The following PPP1R1C variants were observed in gnomAD, a reference collection of about 807,000 sequenced individuals.
The protein encoded by PPP1R1C is protein phosphatase 1 regulatory inhibitor subunit 1C.
A neutral mutation model predicts 17.4 loss-of-function variants in PPP1R1C; 15 were observed. The ratio of observed to expected loss-of-function variants is 0.86; its 90% confidence interval spans 0.58 to 1.33. PPP1R1C has a LOEUF of 1.33. PPP1R1C is among the 40% of genes most tolerant of loss of function. PPP1R1C has a pLI of 0.00. For synonymous variants in PPP1R1C, 35 were observed against 43.1 expected (o/e 0.81, Z 0.73); for missense variants, 143 against 130.0 (o/e 1.10, Z -0.48).
intron 2 of PPP1R1C, among the ~76,000 whole-genome samples, chr2:182,031,201 C>T (rs777856455): frequency 1.3e-5 from 2 of 152,210 alleles, no homozygotes; most frequent in African/African-American, 4.8e-5. Context: ...GAGCTGTAGA[C>T]CGGAGCTGTT....
upstream of PPP1R1C, among the ~76,000 whole-genome samples, chr2:181,981,100 T>C (rs557120265): frequency 6.6e-6 from 1 of 151,722 alleles, no homozygotes; most frequent in Non-Finnish European, 1.5e-5. Flanking sequence ...GGCTAATTTT[T>C]TGTATTTTTA....
chr2:182,122,065 A>T (rs1689745839), downstream of PPP1R1C, among the ~76,000 whole-genome samples: 2 of 152,138 alleles, frequency 1.3e-5, no homozygotes, highest in Admixed American at 1.3e-4. Context: ...CTGTCAGGTG[A>T]ATAAGTTAGG....
At position 182,086,931 on chromosome 2, in the gene PPP1R1C, C is replaced by CAA. The variant is rs199642832; in HGVS notation, c.241+23150_241+23151dup. ...ATCTTCACTACAGGGGAGAAAATACCAAAAAAAAAAACAAAAACACTTCTT... is the reference window on the plus strand; with the variant it reads ...ATCTTCACTACAGGGGAGAAAATACCAAAAAAAAAAAAACAAAAACACTTCTT... On this transcript the variant is annotated intron_variant, in intron 4 of 4. Coordinates refer to ENST00000682840, the MANE Select transcript of PPP1R1C (RefSeq NM_001080545.3). Among the ~76,000 whole-genome samples, 377 of 145,436 alleles carry CAA rather than the reference C, an allele frequency of 2.6e-3. 1 individual carries two copies. The highest frequency in any genetic ancestry group is 7.2e-3 in the Middle Eastern group (2 of 276).
chr2:181,987,872 G>A lies in PPP1R1C; in HGVS notation c.115G>A (p.Val39Met). The change falls in exon 2 of 5, where the codon GTG becomes ATG. Residue 39 changes from valine to methionine, a missense_variant. Transcript: ENST00000682840. Reference protein sequence around the residue: ...RKRRPTPASLVILNEHNPPEI... With the variant: ...RKRRPTPASLMILNEHNPPEI... Reference sequence around the variant, plus strand: ...AAGAAGACCTACACCAGCATCACTTGTGATTCTCAATGAGCATAACCCCCC... The same window carrying A: ...AAGAAGACCTACACCAGCATCACTTATGATTCTCAATGAGCATAACCCCCC... 1 of 1,613,348 alleles carries A rather than the reference G, an allele frequency of 6.2e-7. No homozygotes were observed. The highest frequency in any genetic ancestry group is 8.5e-7 in the Non-Finnish European group (1 of 1,179,530).
chr2:182,085,454 A>C (rs1688601980), intron 4 of PPP1R1C, among the ~76,000 whole-genome samples: 1 of 152,080 alleles, frequency 6.6e-6, no homozygotes, highest in African/African-American at 2.4e-5. Context: ...TTTTTTCTAA[A>C]ATGTTTATCA....
chr2:182,038,425 C>T (rs917033536), intron 2 of PPP1R1C, among the ~76,000 whole-genome samples: 32 of 152,190 alleles, frequency 2.1e-4, no homozygotes, highest in African/African-American at 7.2e-4. Flanking sequence ...TTTGCTTCTT[C>T]TGTCTCAATA....
At chr2:182,061,762 A>G (rs780702765) in intron 3 of PPP1R1C, among the ~76,000 whole-genome samples, 1 of 152,034 alleles carries the variant, frequency 6.6e-6, no homozygotes, top group Non-Finnish European at 1.5e-5. Flanking sequence ...GAGTGATTAT[A>G]TATGCACACC....
chr2:182,076,192 CTTTTCTTTTTTTT>C (rs1688297427), intron 4 of PPP1R1C, among the ~76,000 whole-genome samples: 2 of 25,832 alleles, frequency 7.7e-5, no homozygotes, highest in African/African-American at 1.6e-4. Flanking sequence ...TTTTTTTTTT[CTTTTCTTTTTTTT>C]TTTTTTTTTT....
chr2:182,002,938 C>CG lies in PPP1R1C; in HGVS notation c.142+15039_142+15040insG, dbSNP rs1461754892. Reference sequence around the variant, plus strand: ...GAGTGATGCCATAAACCTCCCCCCCCCCACAACCCTGAAATCCCCCAGAAC... The same window carrying CG: ...GAGTGATGCCATAAACCTCCCCCCCCGCCACAACCCTGAAATCCCCCAGAAC... On this transcript the variant is annotated intron_variant, in intron 2 of 4. Transcript: ENST00000682840. 2.0e-4 allele frequency among the ~76,000 whole-genome samples: 29 copies of CG among 142,236 alleles called. 1 individual carries two copies. Among genetic ancestry groups the CG allele is most frequent in the Non-Finnish European group, 4.3e-4 (27 of 63,306 alleles). The allele number at this position is 142,236 out of a possible 152,430, so 93.3% of individuals were successfully genotyped here. A position where few individuals can be genotyped will look rare whatever the true frequency, so the allele number is the denominator to read the frequency against.
At chr2:182,124,797 T>G (rs1689834190) in intron 5 of PPP1R1C, among the ~76,000 whole-genome samples, 1 of 152,184 alleles carries the variant, frequency 6.6e-6, no homozygotes, top group African/African-American at 2.4e-5. Context: ...GTTTTTGGAC[T>G]GAGATGATGG....
intron 4 of PPP1R1C, among the ~76,000 whole-genome samples, chr2:182,112,421 A>G (rs1689468940): frequency 6.6e-6 from 1 of 152,178 alleles, no homozygotes; most frequent in South Asian, 2.1e-4. Flanking sequence ...GAAAAGTTAT[A>G]CCGAAATCTA....
intron 2 of PPP1R1C, among the ~76,000 whole-genome samples, chr2:181,979,518 A>G (rs1332561784): frequency 6.6e-6 from 1 of 152,236 alleles, no homozygotes; most frequent in South Asian, 2.1e-4. Flanking sequence ...TCAAATTGCC[A>G]TACTCTCTTA....
chr2:182,060,795 G>C, intron 2 of PPP1R1C, among the ~76,000 whole-genome samples: 1 of 152,050 alleles, frequency 6.6e-6, no homozygotes, highest in Non-Finnish European at 1.5e-5. Context: ...ATACAATGTA[G>C]GTGACGAGGT....
chr2:182,054,628 C>T (rs1289437906), intron 2 of PPP1R1C, among the ~76,000 whole-genome samples: 1 of 151,052 alleles, frequency 6.6e-6, no homozygotes, highest in Non-Finnish European at 1.5e-5. Flanking sequence ...TGATTTTTAT[C>T]CACTGTGCCA....
intron 2 of PPP1R1C, among the ~76,000 whole-genome samples, chr2:182,013,187 C>T (rs146653860): frequency 0.013 from 2,008 of 152,118 alleles, 21 homozygotes; most frequent in South Asian, 0.035. Context: ...GAAGAACTTC[C>T]GTTAGCATTT....
intron 5 of PPP1R1C, among the ~76,000 whole-genome samples, chr2:182,128,705 T>G (rs543388481): frequency 1.1e-4 from 17 of 152,280 alleles, no homozygotes; most frequent in African/African-American, 4.1e-4. Flanking sequence ...GATTTTTGTC[T>G]TTTAAAACTT....
At chr2:182,064,628 C>T (rs1479573680) in intron 4 of PPP1R1C, among the ~76,000 whole-genome samples, 5 of 152,004 alleles carry the variant, frequency 3.3e-5, no homozygotes, top group Non-Finnish European at 7.4e-5. Context: ...GGGGCCTATT[C>T]AGGGAGGCGG....
At chr2:182,112,010 T>C (rs1689453593) in intron 4 of PPP1R1C, among the ~76,000 whole-genome samples, 1 of 152,194 alleles carries the variant, frequency 6.6e-6, no homozygotes, top group Non-Finnish European at 1.5e-5. Flanking sequence ...ATCCATTGAC[T>C]CGGAGCTCTT....
At chr2:182,036,010 C>T (rs1292084020) in intron 2 of PPP1R1C, among the ~76,000 whole-genome samples, 1 of 151,736 alleles carries the variant, frequency 6.6e-6, no homozygotes, top group Non-Finnish European at 1.5e-5. Flanking sequence ...CACACACACA[C>T]ATTTGCTTTT....
Sources: gnomAD v4.1 joint callset for allele counts (sites outside exome capture counted in the v4.1 genomes callset) on GRCh38, gnomAD v4.1.1 for gene constraint, MANE v1.5 for transcripts, NCBI Gene and HGNC (gene_info 2026-07-23, HGNC 2026-07-21) for gene names.